Variants in TENM3 observed in about 807,000 individuals in gnomAD.
TENM3 encodes the protein teneurin transmembrane protein 3, also known as teneurin-3.
A neutral mutation model predicts 255.1 loss-of-function variants in TENM3; 63 were observed. That is an observed-to-expected ratio of 0.25 (90% confidence interval 0.20 to 0.30). TENM3 has a LOEUF of 0.30. Among genes scored for constraint, TENM3 ranks in the 10% least tolerant of loss-of-function variants. The probability of loss-of-function intolerance (pLI) is 1.00; values close to 1 mark genes in which losing one functional copy is unlikely to be tolerated. For missense variants in TENM3, 2,929 were observed against 3,461.1 expected (o/e 0.85, Z 3.86); for synonymous variants, 1,306 against 1,322.3 (o/e 0.99, Z 0.27).
the TENM3 span, among the ~76,000 whole-genome samples, chr4:181,966,313 C>T: frequency 2.0e-5 from 3 of 152,074 alleles, no homozygotes; most frequent in Non-Finnish European, 4.4e-5. Flanking sequence ...AAATCTTGCC[C>T]CAGGCATGAG....
intron 1 of TENM3, among the ~76,000 whole-genome samples, chr4:182,185,081 C>A (rs1420249632): frequency 1.3e-5 from 2 of 149,658 alleles, no homozygotes; most frequent in Non-Finnish European, 1.5e-5. Context: ...AAAACTCTGT[C>A]AAAAAAAAAA....
At chr4:181,699,269 A>G in the TENM3 span, among the ~76,000 whole-genome samples, 1 of 151,870 alleles carries the variant, frequency 6.6e-6, no homozygotes, top group Non-Finnish European at 1.5e-5. Flanking sequence ...TATCTCTAGA[A>G]AAAATACAAA....
the TENM3 span, among the ~76,000 whole-genome samples, chr4:181,558,808 C>T: frequency 1.3e-5 from 2 of 152,250 alleles, no homozygotes; most frequent in Admixed American, 6.5e-5. Context: ...ATGGTTAATA[C>T]CTGCATGCAA....
At position 182,629,384 on chromosome 4, in the gene TENM3, A is replaced by G. The variant is rs187338573; in HGVS notation, c.988+495A>G. Among the ~76,000 whole-genome samples the G allele has an allele frequency of 3.9e-5, 6 of 152,278 alleles. No homozygotes were observed. The East Asian group carries it at 1.2e-3, about 29-fold the overall frequency. On this transcript the variant is annotated intron_variant, in intron 5 of 27. Coordinates refer to ENST00000511685, the MANE Select transcript of TENM3 (RefSeq NM_001080477.4). ...CCAGAGAACTGGGCGTCCATAAAGC[A>G]ATGAATGGATTATATACTCATTCAT...
At chr4:181,507,026 G>A in the TENM3 span, among the ~76,000 whole-genome samples, 3 of 152,086 alleles carry the variant, frequency 2.0e-5, no homozygotes, top group Non-Finnish European at 2.9e-5. Flanking sequence ...CTTCCAAAAG[G>A]CTAAAATGTA....
In TENM3 at chr4:182,261,882, C is replaced by T. The variant is rs534449095; in HGVS notation, c.-76+18406C>T. Among the ~76,000 whole-genome samples the T allele has an allele frequency of 8.5e-5, 13 of 152,316 alleles. No homozygotes were observed. The South Asian group carries it at 2.5e-3, about 29-fold the overall frequency. ...CACACACCTCCAGGTCACTGTGGAT[C>T]GTGTAGGCAGCCTTCCAACAAGACC... On this transcript the variant is annotated intron_variant, in intron 1 of 27. Transcript: ENST00000511685.
At chr4:181,823,924 A>C in the TENM3 span, among the ~76,000 whole-genome samples, 1,399 of 152,212 alleles carry the variant, frequency 9.2e-3, 21 homozygotes, top group African/African-American at 0.032. Flanking sequence ...TTGTGCACAA[A>C]TTAATCAAAG....
chr4:182,448,910 C>A, intron 3 of TENM3: 1 of 340,204 alleles, frequency 2.9e-6, no homozygotes, highest in Middle Eastern at 5.2e-4. Context: ...AAGCGGCGCA[C>A]CGCCCCCTCG....
At chr4:182,189,749 G>A (rs1416152000) in intron 1 of TENM3, among the ~76,000 whole-genome samples, 1 of 152,098 alleles carries the variant, frequency 6.6e-6, no homozygotes, top group African/African-American at 2.4e-5. Context: ...GTGTGTGTTG[G>A]GGGTGGTGGG....
chr4:181,574,495 C>T, the TENM3 span, among the ~76,000 whole-genome samples: 1 of 149,944 alleles, frequency 6.7e-6, no homozygotes, highest in Non-Finnish European at 1.5e-5. Context: ...CGTGCCACTG[C>T]AGTCCGCAGT....
chr4:182,077,909 G>C, the TENM3 span, among the ~76,000 whole-genome samples: 1 of 152,186 alleles, frequency 6.6e-6, no homozygotes, highest in Non-Finnish European at 1.5e-5. Context: ...TGACCTCATA[G>C]GTAATGTAAC....
At chr4:181,684,704 T>G in the TENM3 span, among the ~76,000 whole-genome samples, 1 of 152,156 alleles carries the variant, frequency 6.6e-6, no homozygotes, top group African/African-American at 2.4e-5. Context: ...GCAATACCCT[T>G]TCCTCTTTGG....
chr4:181,607,043 C>A, the TENM3 span, among the ~76,000 whole-genome samples: 1 of 152,160 alleles, frequency 6.6e-6, no homozygotes, highest in African/African-American at 2.4e-5. Context: ...TATACAAAAC[C>A]AAGTGAACCA....
At chr4:182,215,981 C>G (rs564318778) in intron 1 of TENM3, among the ~76,000 whole-genome samples, 64 of 152,254 alleles carry the variant, frequency 4.2e-4, no homozygotes, top group African/African-American at 1.5e-3. Context: ...CGACACTACC[C>G]CCTCTCCCAG....
the TENM3 span, among the ~76,000 whole-genome samples, chr4:181,780,516 T>A: frequency 1.3e-5 from 2 of 152,156 alleles, no homozygotes; most frequent in African/African-American, 2.4e-5. Context: ...GTTTGAGTTA[T>A]TTGTAGATTC....
chr4:181,705,051 C>CA, the TENM3 span, among the ~76,000 whole-genome samples: 202 of 147,434 alleles, frequency 1.4e-3, no homozygotes, highest in East Asian at 4.2e-3. Context: ...CAAAACAAAA[C>CA]AAAAAAAAAA....
the TENM3 span, among the ~76,000 whole-genome samples, chr4:181,744,074 G>A: frequency 4.7e-4 from 71 of 152,226 alleles, no homozygotes; most frequent in African/African-American, 1.1e-3. Flanking sequence ...AACATGCGGC[G>A]TTTGGTTTTC....
chr4:182,094,275 T>A, the TENM3 span, among the ~76,000 whole-genome samples: 1 of 151,942 alleles, frequency 6.6e-6, no homozygotes, highest in African/African-American at 2.4e-5. Flanking sequence ...AGACGGAGTT[T>A]TGCTCTGTTC....
intron 2 of TENM3, among the ~76,000 whole-genome samples, chr4:182,344,754 A>G (rs867025713): frequency 6.6e-6 from 1 of 152,002 alleles, no homozygotes; most frequent in Admixed American, 6.6e-5. Flanking sequence ...ATTTTGAAAA[A>G]TCAGCATGTT....
Sources: allele counts gnomAD v4.1 joint callset (sites outside exome capture counted in the v4.1 genomes callset), GRCh38; gene constraint gnomAD v4.1.1; transcripts MANE v1.5; gene names NCBI Gene and HGNC (gene_info 2026-07-23, HGNC 2026-07-21).